The following PTPRT variants were observed in gnomAD, a reference collection of about 807,000 sequenced individuals.
PTPRT encodes protein tyrosine phosphatase receptor type T.
A neutral mutation model predicts 176.8 loss-of-function variants in PTPRT; 56 were observed. The ratio of observed to expected loss-of-function variants is 0.32; its 90% CI spans 0.26 to 0.40. PTPRT has a LOEUF of 0.40. Among genes scored for constraint, PTPRT ranks in the 10% least tolerant of loss-of-function variants. PTPRT has a pLI of 1.00. For missense variants in PTPRT, 1,540 were observed against 1,908.2 expected, an observed-to-expected ratio of 0.81 and a Z score of 3.60; for synonymous variants, 783 against 739.0, an observed-to-expected ratio of 1.06 and a Z score of -0.96.
At chr20:42,384,726 T>C (rs2145645424) in intron 9 of PTPRT, among the ~76,000 whole-genome samples, 1 of 152,338 alleles carries the variant, frequency 6.6e-6, no homozygotes, top group Middle Eastern at 3.4e-3. Flanking sequence ...ACCAACAGTG[T>C]GCAAGTTTTC....
intron 1 of PTPRT, among the ~76,000 whole-genome samples, chr20:42,938,674 TC>T (rs1049172292): frequency 1.3e-5 from 2 of 151,758 alleles, no homozygotes; most frequent in African/African-American, 2.4e-5. Context: ...CCTAACTCCC[TC>T]CCCCCCATGC....
At chr20:42,464,204 A>G (rs927558270) in intron 8 of PTPRT, among the ~76,000 whole-genome samples, 1 of 152,214 alleles carries the variant, frequency 6.6e-6, no homozygotes, top group Admixed American at 6.5e-5. Context: ...TGGTATCACG[A>G]AAAGGGCATG....
At chr20:42,490,438 C>T (rs1398873232) in intron 7 of PTPRT, among the ~76,000 whole-genome samples, 1 of 152,056 alleles carries the variant, frequency 6.6e-6, no homozygotes, top group Non-Finnish European at 1.5e-5. Context: ...TTTATATATT[C>T]TTAGACTACT....
rs150679015 is a variant in PTPRT at position 42,137,653 on chromosome 20, C to T, written c.2770+4262G>A. Among the ~76,000 whole-genome samples, 424 of 152,290 alleles carry T rather than the reference C, an allele frequency of 2.8e-3. 3 individuals carry two copies. Among genetic ancestry groups the T allele is most frequent in the African/African-American group, 9.8e-3 (406 of 41,568 alleles). On this transcript the variant is annotated intron_variant, in intron 18 of 30. Transcript: ENST00000373187. The stretch of plus-strand genomic sequence containing the variant: ...CTTCTTGCCTGTGAACTCAAAAAGG[C>T]TACACTAACTCATCTAGACTTAAAA...
chr20:42,236,956 C>T (rs1417083384), intron 14 of PTPRT, among the ~76,000 whole-genome samples: 1 of 152,072 alleles, frequency 6.6e-6, no homozygotes, highest in African/African-American at 2.4e-5. Context: ...AAAGAAGCCT[C>T]TCAGCTCTGT....
chr20:43,097,148 A>T (rs1201073781), intron 1 of PTPRT, among the ~76,000 whole-genome samples: 1 of 152,182 alleles, frequency 6.6e-6, no homozygotes, highest in South Asian at 2.1e-4. Context: ...CTTCCAAGCA[A>T]TGCACAGTAA....
the PTPRT span, among the ~76,000 whole-genome samples, chr20:42,033,934 T>C: frequency 6.6e-6 from 1 of 152,310 alleles, no homozygotes; most frequent in Admixed American, 6.5e-5. Context: ...AAGTCCTAAT[T>C]ATGGTCCCAG....
At chr20:42,830,075 G>T (rs1227207147) in intron 2 of PTPRT, among the ~76,000 whole-genome samples, 1 of 152,098 alleles carries the variant, frequency 6.6e-6, no homozygotes, top group Non-Finnish European at 1.5e-5. Flanking sequence ...GAGGAGGATA[G>T]ACTCCTCCCC....
chr20:42,763,247 C>T (rs575722918), intron 5 of PTPRT, among the ~76,000 whole-genome samples: 7 of 152,140 alleles, frequency 4.6e-5, no homozygotes, highest in Non-Finnish European at 8.8e-5. Context: ...AGAGGTAAGA[C>T]AAGACTACAA....
intron 18 of PTPRT, among the ~76,000 whole-genome samples, chr20:42,141,379 T>G (rs1488815748): frequency 6.6e-6 from 1 of 152,170 alleles, no homozygotes; most frequent in Non-Finnish European, 1.5e-5. Flanking sequence ...AGCCTTTACT[T>G]CCAAGCATCA....
chr20:42,464,340 A>G (rs1050957532), intron 8 of PTPRT, among the ~76,000 whole-genome samples: 4 of 152,186 alleles, frequency 2.6e-5, no homozygotes, highest in African/African-American at 9.7e-5. Flanking sequence ...TATCCCTCAA[A>G]GAGAGATAAT....
intron 1 of PTPRT, among the ~76,000 whole-genome samples, chr20:42,918,137 C>T (rs1978902088): frequency 6.6e-6 from 1 of 151,918 alleles, no homozygotes; most frequent in South Asian, 2.1e-4. Flanking sequence ...AATGATGGTC[C>T]AGGGCCATCA....
chr20:42,236,259 C>T lies in PTPRT; in HGVS notation c.2313-1G>A, dbSNP rs746035795. ...ATAGGAGTAGGAATAAGCATTTCTTCTATATATTGATGGGCAGTCAGATGA... is the reference window on the plus strand; with the variant it reads ...ATAGGAGTAGGAATAAGCATTTCTTTTATATATTGATGGGCAGTCAGATGA... On this transcript the variant is annotated splice_acceptor_variant, in intron 14 of 30. Coordinates refer to ENST00000373187, the MANE Select transcript of PTPRT (RefSeq NM_007050.6). LOFTEE classifies it high-confidence loss of function. 3 of 1,598,484 alleles carry T rather than the reference C, an allele frequency of 1.9e-6. No individual in the cohort carries two copies. The highest frequency in any genetic ancestry group is 2.2e-5 in the South Asian group (2 of 90,232).
intron 1 of PTPRT, among the ~76,000 whole-genome samples, chr20:43,047,256 G>C (rs1174976505): frequency 6.6e-6 from 1 of 152,104 alleles, no homozygotes; most frequent in Non-Finnish European, 1.5e-5. Flanking sequence ...GTCCCAGTGT[G>C]TCTCCAGTCA....
chr20:42,789,792 A>G (rs1289586983), intron 3 of PTPRT, among the ~76,000 whole-genome samples: 2 of 152,242 alleles, frequency 1.3e-5, no homozygotes, highest in Non-Finnish European at 2.9e-5. Context: ...ATTGAGTATT[A>G]AATTCTGATT....
chr20:42,897,756 A>T (rs973896126), intron 1 of PTPRT, among the ~76,000 whole-genome samples: 4 of 152,274 alleles, frequency 2.6e-5, no homozygotes, highest in African/African-American at 9.6e-5. Context: ...GACCTTGGCC[A>T]ACTTATGTAA....
chr20:42,478,484 G>T (rs2071328914), intron 7 of PTPRT, among the ~76,000 whole-genome samples: 1 of 152,012 alleles, frequency 6.6e-6, no homozygotes, highest in South Asian at 2.1e-4. Context: ...CCCTGCAACA[G>T]GTACCTTCCT....
chr20:42,143,177 T>C (rs960389618), intron 17 of PTPRT, among the ~76,000 whole-genome samples: 5 of 152,280 alleles, frequency 3.3e-5, no homozygotes, highest in African/African-American at 1.2e-4. Flanking sequence ...ATCATCTGAT[T>C]CATGTATTAC....
At chr20:42,647,772 C>T (rs2074939924) in intron 7 of PTPRT, among the ~76,000 whole-genome samples, 1 of 152,204 alleles carries the variant, frequency 6.6e-6, no homozygotes, top group Admixed American at 6.5e-5. Flanking sequence ...GGCTGACGCT[C>T]ATTAAACCAA....
Sources: gnomAD v4.1 joint callset for allele counts (sites outside exome capture counted in the v4.1 genomes callset) on GRCh38, gnomAD v4.1.1 for gene constraint, MANE v1.5 for transcripts, NCBI Gene and HGNC (gene_info 2026-07-23, HGNC 2026-07-21) for gene names.